The following COL25A1 variants were observed in gnomAD, a reference collection of about 807,000 sequenced individuals.
COL25A1 encodes collagen type XXV alpha 1 chain, also known as collagen alpha-1(XXV) chain.
A neutral mutation model predicts 128.4 loss-of-function variants in COL25A1; 103 were observed. The observed-to-expected ratio is 0.80, with a 90% CI of 0.68 to 0.94. COL25A1 has a LOEUF of 0.94. COL25A1 is among the 40% of genes least tolerant of loss of function. COL25A1 has a pLI of 0.00. For synonymous variants in COL25A1, 279 were observed against 277.2 expected, an observed-to-expected ratio of 1.01 and a Z score of -0.06; for missense variants, 745 against 840.0, an observed-to-expected ratio of 0.89 and a Z score of 1.40.
intron 3 of COL25A1, among the ~76,000 whole-genome samples, chr4:109,100,423 A>G (rs1218885776): frequency 6.6e-6 from 1 of 152,038 alleles, no homozygotes; most frequent in East Asian, 1.9e-4. Context: ...GTGAGAAAAA[A>G]AAAAAAAGAC....
At chr4:109,138,232 T>G (rs1483833478) in intron 3 of COL25A1, among the ~76,000 whole-genome samples, 2 of 152,102 alleles carry the variant, frequency 1.3e-5, no homozygotes, top group African/African-American at 4.8e-5. Flanking sequence ...TGAGAACACT[T>G]GGTGTTTGGT....
intron 8 of COL25A1, among the ~76,000 whole-genome samples, chr4:108,955,185 T>C (rs1749926492): frequency 6.6e-6 from 1 of 152,044 alleles, no homozygotes; most frequent in Non-Finnish European, 1.5e-5. Context: ...ACCTGGGTGA[T>C]ACGGGATTTT....
At chr4:108,925,561 T>A (rs1006794261) in intron 11 of COL25A1, among the ~76,000 whole-genome samples, 2 of 152,130 alleles carry the variant, frequency 1.3e-5, no homozygotes, top group Non-Finnish European at 2.9e-5. Flanking sequence ...GGAAGAACAA[T>A]TGTATGTGTA....
At chr4:109,262,039 G>A (rs966123264) in intron 3 of COL25A1, among the ~76,000 whole-genome samples, 5 of 151,786 alleles carry the variant, frequency 3.3e-5, no homozygotes, top group South Asian at 2.1e-4. Flanking sequence ...CGTTGTTTCC[G>A]TTTCATTCCC....
rs1045527723 is a variant in COL25A1, at chr4:108,968,802, G to T, written c.492+5565C>A. ...CAATGAAATATCTCATCAAGATCACGAATTCAACATAATTAAAATCCATCT... is the reference window on the plus strand; with the variant it reads ...CAATGAAATATCTCATCAAGATCACTAATTCAACATAATTAAAATCCATCT... On this transcript the variant is annotated intron_variant, in intron 8 of 37. Coordinates refer to ENST00000399132, the MANE Select transcript of COL25A1 (RefSeq NM_198721.4). 2.6e-5 allele frequency among the ~76,000 whole-genome samples: 4 copies of T among 152,000 alleles called. No homozygotes were observed. The East Asian group carries it at 7.7e-4, about 29-fold the overall frequency.
At chr4:109,164,366 A>T (rs934481352) in intron 3 of COL25A1, among the ~76,000 whole-genome samples, 1 of 152,188 alleles carries the variant, frequency 6.6e-6, no homozygotes, top group Non-Finnish European at 1.5e-5. Flanking sequence ...TTATACCACC[A>T]TCTCCCACAT....
intron 6 of COL25A1, among the ~76,000 whole-genome samples, chr4:108,981,008 T>C (rs1338018324): frequency 1.3e-5 from 2 of 152,214 alleles, no homozygotes; most frequent in African/African-American, 4.8e-5. Context: ...AATTGCATGA[T>C]GAACTTGACT....
chr4:108,983,952 C>G (rs963873228), intron 6 of COL25A1, among the ~76,000 whole-genome samples: 1 of 152,106 alleles, frequency 6.6e-6, no homozygotes, highest in Non-Finnish European at 1.5e-5. Context: ...ACTGCTGACT[C>G]GGGCAGCCTG....
At chr4:109,086,181 T>G (rs1764355237) in intron 3 of COL25A1, among the ~76,000 whole-genome samples, 1 of 152,154 alleles carries the variant, frequency 6.6e-6, no homozygotes, top group Admixed American at 6.5e-5. Context: ...CCTATCAGAG[T>G]CATTTGTCAA....
intron 8 of COL25A1, among the ~76,000 whole-genome samples, chr4:108,967,114 C>T (rs1751397801): frequency 6.6e-6 from 1 of 151,962 alleles, no homozygotes; most frequent in Non-Finnish European, 1.5e-5. Flanking sequence ...TTATTTTGGA[C>T]AAAATATTTA....
chr4:108,839,388 G>C (rs1450615116), intron 31 of COL25A1, among the ~76,000 whole-genome samples: 2 of 152,198 alleles, frequency 1.3e-5, no homozygotes, highest in African/African-American at 4.8e-5. Flanking sequence ...TTTGAAGATA[G>C]GATGTTTGCA....
At chr4:109,292,919 C>T (rs1008915781) in intron 3 of COL25A1, among the ~76,000 whole-genome samples, 13 of 152,020 alleles carry the variant, frequency 8.6e-5, no homozygotes, top group African/African-American at 2.9e-4. Context: ...GCCCTAGAAC[C>T]GGCCAGCATT....
intron 3 of COL25A1, among the ~76,000 whole-genome samples, chr4:109,254,158 G>T (rs1184090968): frequency 5.3e-5 from 8 of 150,796 alleles, no homozygotes; most frequent in Non-Finnish European, 8.9e-5. Flanking sequence ...CCACCAACAA[G>T]TTGTGGTATA....
At chr4:109,022,656 G>A (rs183798609) in intron 5 of COL25A1, among the ~76,000 whole-genome samples, 1 of 152,286 alleles carries the variant, frequency 6.6e-6, no homozygotes, top group Admixed American at 6.5e-5. Context: ...GAGGCAGCAA[G>A]TCCTGATATT....
At position 109,189,086 on chromosome 4, in the gene COL25A1, A is replaced by G. The variant is rs138597761; in HGVS notation, c.367+111497T>C. ...TGGATAATATTTCATCGTGTATTCT[A>G]TCATGTATAATTCTCTTACTGTTGG... On this transcript the variant is annotated intron_variant, in intron 3 of 37. Coordinates refer to ENST00000399132, the MANE Select transcript of COL25A1 (RefSeq NM_198721.4). Among the ~76,000 whole-genome samples, 955 of 152,266 alleles carry G rather than the reference A, an allele frequency of 6.3e-3. 6 individuals are homozygous for G. Among genetic ancestry groups the G allele is most frequent in the South Asian group, 0.021 (101 of 4,818 alleles).
At chr4:109,210,617 G>A (rs1336432843) in intron 3 of COL25A1, among the ~76,000 whole-genome samples, 2 of 151,982 alleles carry the variant, frequency 1.3e-5, no homozygotes, top group Non-Finnish European at 1.5e-5. Flanking sequence ...TCATACAATC[G>A]TGACCTTTTT....
At chr4:108,832,272 TTAGA>T (rs1204182101) in intron 32 of COL25A1, 104 bp downstream of exon 32, 4 of 728,428 alleles carry the variant, frequency 5.5e-6, no homozygotes, top group Admixed American at 6.0e-5. Flanking sequence ...TTATTTAATA[TTAGA>T]TAGCCCTTTA....
At chr4:109,019,375 C>CATATATATATATATATAT (rs57842656) in intron 5 of COL25A1, among the ~76,000 whole-genome samples, 774 of 48,472 alleles carry the variant, frequency 0.016, 14 homozygotes, top group Non-Finnish European at 0.019. Context: ...CACACACACA[C>CATATATATATATATATAT]ATATATATAT....
At chr4:109,106,195 T>C (rs1579382816) in intron 3 of COL25A1, among the ~76,000 whole-genome samples, 1 of 152,120 alleles carries the variant, frequency 6.6e-6, no homozygotes, top group Admixed American at 6.6e-5. Flanking sequence ...CCTACTCCTA[T>C]CCCACAATTT....
Sources: allele counts gnomAD v4.1 joint callset (sites outside exome capture counted in the v4.1 genomes callset), GRCh38; gene constraint gnomAD v4.1.1; transcripts MANE v1.5; gene names NCBI Gene and HGNC (gene_info 2026-07-23, HGNC 2026-07-21).